Variants in TAF3 observed in about 807,000 individuals in gnomAD.
TAF3 encodes the protein TATA-box binding protein associated factor 3.
TAF3 carries 7 observed loss-of-function variants against 80.6 expected under a neutral mutation model. The observed-to-expected ratio is 0.09, with a 90% CI of 0.05 to 0.16. The LOEUF (loss-of-function observed/expected upper bound fraction) is 0.16. Ranked by LOEUF, TAF3 falls within the 10% of genes least tolerant of loss-of-function variation. The pLI, the probability that TAF3 is intolerant of heterozygous loss-of-function variation, is 1.00. For missense variants in TAF3, 921 were observed against 1,140.2 expected (o/e 0.81, Z 2.77); for synonymous variants, 444 against 446.1 (o/e 1.00, Z 0.06).
In TAF3 at chr10:7,834,174, C is replaced by G. The variant is rs117608276; in HGVS notation, c.409+9614C>G. Among the ~76,000 whole-genome samples, 450 of 152,262 alleles carry G rather than the reference C, an allele frequency of 3.0e-3. 3 individuals carry two copies. The highest frequency in any genetic ancestry group is 0.012 in the Admixed American group (184 of 15,300). Reference sequence around the variant, plus strand: ...AGGTTGTGCCTTCACTCTGCTGTTTCCTTTATTGTGCCAAAGCTTTTTATT... The same window carrying G: ...AGGTTGTGCCTTCACTCTGCTGTTTGCTTTATTGTGCCAAAGCTTTTTATT... On this transcript the variant is annotated intron_variant, in intron 2 of 6. Coordinates refer to ENST00000344293, the MANE Select transcript of TAF3 (RefSeq NM_031923.4).
At chr10:8,010,698 G>A (rs185584204) in intron 5 of TAF3, among the ~76,000 whole-genome samples, 2 of 152,284 alleles carry the variant, frequency 1.3e-5, no homozygotes, top group East Asian at 3.9e-4. Flanking sequence ...CTTGAGGTCA[G>A]GAGTTCGAGA....
At chr10:7,939,560 AG>A (rs1837957256) in intron 2 of TAF3, among the ~76,000 whole-genome samples, 1 of 145,792 alleles carries the variant, frequency 6.9e-6, no homozygotes, top group African/African-American at 2.5e-5. Context: ...GAGACAATGT[AG>A]GAAATAGAAG....
intron 2 of TAF3, among the ~76,000 whole-genome samples, chr10:7,882,205 A>G (rs1837368529): frequency 6.6e-6 from 1 of 152,250 alleles, no homozygotes; most frequent in Non-Finnish European, 1.5e-5. Context: ...GGCTTAGTGC[A>G]GAGATCATCT....
intron 2 of TAF3, among the ~76,000 whole-genome samples, chr10:7,826,391 G>C (rs888548382): frequency 1.3e-5 from 2 of 152,188 alleles, no homozygotes; most frequent in African/African-American, 4.8e-5. Flanking sequence ...ATGTAACTAA[G>C]ATAACAGGTT....
At chr10:7,856,877 AAAAG>A (rs1369209356) in intron 2 of TAF3, among the ~76,000 whole-genome samples, 3 of 151,916 alleles carry the variant, frequency 2.0e-5, no homozygotes, top group Non-Finnish European at 4.4e-5. Context: ...AAAAAAAAAA[AAAAG>A]CAGAAAGAAT....
intron 5 of TAF3, among the ~76,000 whole-genome samples, chr10:8,010,828 T>G (rs1832047005): frequency 6.6e-6 from 1 of 152,104 alleles, no homozygotes. Context: ...AAGAATTGCT[T>G]GAACGGGAGG....
At chr10:7,836,592 C>G (rs1011744955) in intron 2 of TAF3, among the ~76,000 whole-genome samples, 4 of 152,056 alleles carry the variant, frequency 2.6e-5, no homozygotes, top group African/African-American at 9.7e-5. Flanking sequence ...CATTTTCTTA[C>G]CACGAATACA....
chr10:7,881,485 A>G (rs375634505), intron 2 of TAF3, among the ~76,000 whole-genome samples: 1,432 of 133,458 alleles, frequency 0.011, 24 homozygotes, highest in African/African-American at 0.035. Flanking sequence ...ACACACATAC[A>G]CACAAACACA....
chr10:7,981,945 T>G (rs1831729862), intron 4 of TAF3, among the ~76,000 whole-genome samples: 1 of 152,222 alleles, frequency 6.6e-6, no homozygotes, highest in African/African-American at 2.4e-5. Flanking sequence ...ATCTAAACTT[T>G]TCCAGTTAAT....
chr10:7,927,528 G>C (rs901035776), intron 2 of TAF3, among the ~76,000 whole-genome samples: 1 of 152,104 alleles, frequency 6.6e-6, no homozygotes, highest in Non-Finnish European at 1.5e-5. Flanking sequence ...CAGTATCTCA[G>C]TTTCTCCATA....
rs769240903 is a variant in TAF3 at position 7,824,335 on chromosome 10, A to G, written c.184A>G (p.Ile62Val). 5.4e-5 allele frequency: 87 copies of G among 1,613,608 alleles called. No homozygotes were observed. The highest frequency in any genetic ancestry group is 7.2e-5 in the Non-Finnish European group (85 of 1,179,694). The change falls in exon 2 of 7, where the codon ATT becomes GTT. Residue 62 changes from isoleucine to valine, a missense_variant. Coordinates refer to ENST00000344293, the MANE Select transcript of TAF3 (RefSeq NM_031923.4). ...TGTTTCAGATGGCCGAACAGACCCA[A>G]TTTTGGATGATGTTGGTGAAGCTTT... is the stretch of plus-strand genomic sequence containing the variant. ...YSELYGRTDPILDDVGEAFQL... is the reference protein window; with the variant it reads ...YSELYGRTDPVLDDVGEAFQL...
chr10:7,946,899 G>A (rs933901733), intron 2 of TAF3, among the ~76,000 whole-genome samples: 2 of 152,064 alleles, frequency 1.3e-5, no homozygotes, highest in Middle Eastern at 3.4e-3. Context: ...TACCCTACTC[G>A]TTAAAACTTT....
At chr10:8,013,693 TCCC>T in intron 5 of TAF3, 35 bp from the exon 6 acceptor site, 1 of 1,569,986 alleles carries the variant, frequency 6.4e-7, no homozygotes, top group Admixed American at 1.7e-5. Context: ...TTTTTCCCAT[TCCC>T]TCCATTTTTG....
At chr10:7,983,585 A>C (rs1831748110) in intron 4 of TAF3, among the ~76,000 whole-genome samples, 1 of 152,310 alleles carries the variant, frequency 6.6e-6, no homozygotes, top group East Asian at 1.9e-4. Context: ...ACAACAACAC[A>C]AAAAAAGATT....
At chr10:7,940,050 AG>A (rs909949479) in intron 2 of TAF3, among the ~76,000 whole-genome samples, 1 of 152,204 alleles carries the variant, frequency 6.6e-6, no homozygotes, top group Non-Finnish European at 1.5e-5. Context: ...AGAGATTAGG[AG>A]GAAATTATAT....
intron 2 of TAF3, among the ~76,000 whole-genome samples, chr10:7,908,404 C>A (rs115555285): frequency 0.011 from 1,689 of 152,284 alleles, 32 homozygotes; most frequent in African/African-American, 0.038. Context: ...AAAATCTCCT[C>A]AACTTTAAGC....
rs190624490 is a variant in TAF3, at chr10:7,980,136, T to C, written c.2315+2813T>C. On this transcript the variant is annotated intron_variant, in intron 4 of 6. Coordinates refer to ENST00000344293, the MANE Select transcript of TAF3 (RefSeq NM_031923.4). The stretch of plus-strand genomic sequence containing the variant: ...GGGGGGGAATAATACTCTTTTGAAG[T>C]GAAATTAATGAGCAGACTGGGATTC... Among the ~76,000 whole-genome samples the C allele has an allele frequency of 2.4e-3, 364 of 151,998 alleles. 1 individual carries two copies. The highest frequency in any genetic ancestry group is 3.8e-3 in the Non-Finnish European group (255 of 67,976).
Position 8,013,690 on chromosome 10 carries a change from C to T in TAF3, c.2569-41C>T. The stretch of plus-strand genomic sequence containing the variant: ...TCTGGCCTCTTTTTGTTTTTTTTCC[C>T]ATTCCCTCCATTTTTGCCGCTTCCG... On this transcript the variant is annotated intron_variant, in intron 5 of 6. Coordinates refer to ENST00000344293, the MANE Select transcript of TAF3 (RefSeq NM_031923.4). 5.8e-6 allele frequency: 9 copies of T among 1,554,172 alleles called. No homozygotes were observed. The Admixed American group carries it at 6.8e-5, about 12-fold the overall frequency.
Position 7,818,706 on chromosome 10 carries a change from C to T in TAF3, c.-4C>T. On this transcript the variant is annotated 5_prime_UTR_variant, in exon 1 of 7. Coordinates refer to ENST00000344293, the MANE Select transcript of TAF3 (RefSeq NM_031923.4). Reference sequence around the variant, plus strand: ...AAGGGCTGCGGTGGCGTCCACGCAGCGGGATGTGCGAGAGTTACTCCAGGT... The same window carrying T: ...AAGGGCTGCGGTGGCGTCCACGCAGTGGGATGTGCGAGAGTTACTCCAGGT... 6.2e-7 allele frequency: 1 copy of T among 1,601,714 alleles called. No homozygotes were observed.
Sources: allele counts gnomAD v4.1 joint callset (sites outside exome capture counted in the v4.1 genomes callset), GRCh38; gene constraint gnomAD v4.1.1; transcripts MANE v1.5; gene names NCBI Gene and HGNC (gene_info 2026-07-23, HGNC 2026-07-21).